GRID1: variants seen among roughly 807,000 people sequenced by gnomAD.
GRID1 encodes glutamate ionotropic receptor delta type subunit 1.
In GRID1, 28 loss-of-function variants were observed where a neutral mutation model predicts 98.0. The ratio of observed to expected loss-of-function variants is 0.29; its 90% confidence interval spans 0.21 to 0.39. The LOEUF is 0.39. GRID1 is among the 10% of genes least tolerant of loss of function. The pLI, the probability that GRID1 is intolerant of heterozygous loss-of-function variation, is 1.00. For synonymous variants in GRID1, 553 were observed against 538.5 expected (o/e 1.03, Z -0.37); for missense variants, 1,111 against 1,340.5 (o/e 0.83, Z 2.67).
chr10:86,181,001 T>G (rs1845647557), intron 3 of GRID1, among the ~76,000 whole-genome samples: 1 of 152,082 alleles, frequency 6.6e-6, no homozygotes, highest in Admixed American at 6.5e-5. Context: ...ATGCTGGCCA[T>G]GAGGACAGCC....
At chr10:86,032,797 C>T (rs539450948) in intron 4 of GRID1, among the ~76,000 whole-genome samples, 14 of 141,154 alleles carry the variant, frequency 9.9e-5, no homozygotes, top group East Asian at 6.2e-4. Flanking sequence ...TCCCCCTCTC[C>T]GAGAAACACC....
At chr10:86,018,705 G>C (rs1843009977) in intron 4 of GRID1, among the ~76,000 whole-genome samples, 2 of 152,146 alleles carry the variant, frequency 1.3e-5, no homozygotes, top group African/African-American at 4.8e-5. Context: ...AAGACTTGCT[G>C]CTCGGGGAGC....
At chr10:86,342,066 G>A (rs1848318247) in intron 2 of GRID1, among the ~76,000 whole-genome samples, 1 of 152,152 alleles carries the variant, frequency 6.6e-6, no homozygotes, top group South Asian at 2.1e-4. Flanking sequence ...CTGAGGGGCT[G>A]GTGTGACCTT....
At chr10:86,310,786 C>A (rs1053052543) in intron 2 of GRID1, among the ~76,000 whole-genome samples, 4 of 152,186 alleles carry the variant, frequency 2.6e-5, no homozygotes, top group Non-Finnish European at 4.4e-5. Flanking sequence ...AATGCCCCCA[C>A]ATTTATTTTT....
chr10:86,350,361 C>T (rs1429492834), intron 2 of GRID1, among the ~76,000 whole-genome samples: 1 of 152,120 alleles, frequency 6.6e-6, no homozygotes, highest in Admixed American at 6.5e-5. Context: ...GGACAATGGC[C>T]TGGAGGGAAG....
chr10:86,139,007 T>C lies in GRID1; in HGVS notation c.538A>G (p.Ser180Gly). The C allele has an allele frequency of 6.2e-7, 1 of 1,613,414 alleles. No individual in the cohort carries two copies. Among genetic ancestry groups the C allele is most frequent in the Non-Finnish European group, 8.5e-7 (1 of 1,179,346 alleles). Residue 180 changes from serine to glycine, a missense_variant, in exon 4 of 16, where the codon AGC (serine) becomes GGC (glycine). By Grantham distance (56) the Ser-to-Gly change is moderately conservative. This residue lies in a region of GRID1 where 346 missense variants were observed against 452.3 expected (regional missense o/e 0.76). Transcript: ENST00000327946. ...DSEYDIRGLQSFLDQASRLGL... is the reference protein window; with the variant it reads ...DSEYDIRGLQGFLDQASRLGL... ...AGCCGCGAGGCCTGGTCCAGAAAGCTTTGAAGCCCACGGATATCTGAGCAG... is the reference window on the plus strand; with the variant it reads ...AGCCGCGAGGCCTGGTCCAGAAAGCCTTGAAGCCCACGGATATCTGAGCAG...
intron 12 of GRID1, among the ~76,000 whole-genome samples, chr10:85,705,289 T>C (rs991954208): frequency 1.3e-5 from 2 of 150,026 alleles, no homozygotes; most frequent in Non-Finnish European, 3.0e-5. Context: ...AAAGGGGATA[T>C]CACAGAAATA....
chr10:85,729,320 G>A (rs1841797139), intron 9 of GRID1, among the ~76,000 whole-genome samples, 193 bp downstream of exon 9: 1 of 152,162 alleles, frequency 6.6e-6, no homozygotes, highest in African/African-American at 2.4e-5. Context: ...AGGCACAGAG[G>A]TCCTGGGGCA....
rs558568749 is a variant in GRID1 at position 85,880,733 on chromosome 10, C to T, written c.781-11553G>A. Among the ~76,000 whole-genome samples, 972 of 152,242 alleles carry T rather than the reference C, an allele frequency of 6.4e-3. 13 individuals are homozygous for T. Among genetic ancestry groups the T allele is most frequent in the Middle Eastern group, 0.014 (4 of 294 alleles). On this transcript the variant is annotated intron_variant, in intron 5 of 15. Coordinates refer to ENST00000327946, the MANE Select transcript of GRID1 (RefSeq NM_017551.3). ...GGCACAAGACAGGGATGCCCCCTCTCACCACTCCTATTCAACATAGTGTTG... is the reference window on the plus strand; with the variant it reads ...GGCACAAGACAGGGATGCCCCCTCTTACCACTCCTATTCAACATAGTGTTG...
intron 4 of GRID1, among the ~76,000 whole-genome samples, chr10:86,078,609 T>A (rs1395846199): frequency 1.3e-5 from 2 of 152,210 alleles, no homozygotes; most frequent in African/African-American, 4.8e-5. Flanking sequence ...GAGCAAGGAA[T>A]AAGACATGAG....
intron 8 of GRID1, among the ~76,000 whole-genome samples, chr10:85,826,837 T>C (rs71471176): frequency 0.063 from 9,562 of 152,002 alleles, 373 homozygotes; most frequent in Non-Finnish European, 0.082. Context: ...GCCTCAAGAG[T>C]TAGAGCAGGC....
chr10:86,275,177 G>A (rs1308216359), intron 2 of GRID1, among the ~76,000 whole-genome samples: 1 of 152,054 alleles, frequency 6.6e-6, no homozygotes, highest in Non-Finnish European at 1.5e-5. Flanking sequence ...GCCAAACACA[G>A]GCTAAAGGAT....
intron 14 of GRID1, among the ~76,000 whole-genome samples, chr10:85,617,235 C>T (rs941496463): frequency 4.2e-5 from 6 of 141,410 alleles, no homozygotes; most frequent in Non-Finnish European, 6.2e-5. Context: ...GCCCCCCCCC[C>T]CTTTTATTTT....
chr10:85,880,244 A>C (rs2131802295), intron 5 of GRID1, among the ~76,000 whole-genome samples: 1 of 152,352 alleles, frequency 6.6e-6, no homozygotes, highest in African/African-American at 2.4e-5. Context: ...TCAACAGAAA[A>C]AGAGGGAATC....
intron 12 of GRID1, among the ~76,000 whole-genome samples, chr10:85,698,471 A>G (rs1841416994): frequency 1.3e-5 from 2 of 152,124 alleles, no homozygotes; most frequent in Admixed American, 1.3e-4. Context: ...AGTATCCACC[A>G]TGTTTTTTCA....
chr10:85,748,273 T>A (rs759518543), intron 8 of GRID1, among the ~76,000 whole-genome samples: 2 of 152,170 alleles, frequency 1.3e-5, no homozygotes, highest in African/African-American at 4.8e-5. Flanking sequence ...TACAGTATAG[T>A]GTAATGTGCT....
chr10:85,971,548 C>T (rs543016063), intron 4 of GRID1, among the ~76,000 whole-genome samples: 3 of 152,078 alleles, frequency 2.0e-5, no homozygotes, highest in African/African-American at 4.8e-5. Flanking sequence ...TCTGAACAAG[C>T]CTTTTACAAA....
chr10:85,705,783 C>T (rs1020134279), intron 12 of GRID1, among the ~76,000 whole-genome samples: 1 of 152,130 alleles, frequency 6.6e-6, no homozygotes, highest in Non-Finnish European at 1.5e-5. Flanking sequence ...GGGCTTCATC[C>T]CTGGGATGCA....
chr10:86,071,588 T>C (rs1053646999), intron 4 of GRID1, among the ~76,000 whole-genome samples: 1 of 152,250 alleles, frequency 6.6e-6, no homozygotes, highest in Non-Finnish European at 1.5e-5. Context: ...ATTAAACTCA[T>C]AAGCCTTCCT....
Sources: allele counts gnomAD v4.1 joint callset (sites outside exome capture counted in the v4.1 genomes callset), GRCh38; gene constraint gnomAD v4.1.1; regional missense constraint gnomAD v4.1.1; transcripts MANE v1.5; gene names NCBI Gene and HGNC (gene_info 2026-07-23, HGNC 2026-07-21).